The following BAZ2B variants were observed in gnomAD, a reference collection of about 807,000 sequenced individuals.
BAZ2B encodes bromodomain adjacent to zinc finger domain protein 2B.
In BAZ2B, 91 loss-of-function variants were observed where a neutral mutation model predicts 246.0. The observed-to-expected ratio is 0.37, with a 90% CI of 0.31 to 0.44. BAZ2B has a LOEUF of 0.44. Among genes scored for constraint, BAZ2B ranks in the 20% least tolerant of loss-of-function variants. The probability of loss-of-function intolerance (pLI) is 1.00; values close to 1 mark genes in which losing one functional copy is unlikely to be tolerated. For synonymous variants in BAZ2B, 855 were observed against 860.0 expected (o/e 0.99, Z 0.10); for missense variants, 2,332 against 2,533.7 (o/e 0.92, Z 1.71).
chr2:159,470,794 A>G (rs566998489), intron 3 of BAZ2B, among the ~76,000 whole-genome samples: 26 of 152,326 alleles, frequency 1.7e-4, no homozygotes, highest in Admixed American at 8.5e-4. Context: ...AATGTGAAGG[A>G]AACAGGTTTT....
chr2:159,665,778 G>T, the BAZ2B span, among the ~76,000 whole-genome samples: 1 of 152,094 alleles, frequency 6.6e-6, no homozygotes, highest in African/African-American at 2.4e-5. Context: ...TTACCATTCA[G>T]GACATAGGCG....
chr2:159,409,174 G>A (rs2066432943), intron 14 of BAZ2B, among the ~76,000 whole-genome samples: 1 of 152,024 alleles, frequency 6.6e-6, no homozygotes, highest in Non-Finnish European at 1.5e-5. Flanking sequence ...GATAGAATTA[G>A]AGATATTTTG....
chr2:159,331,587 G>A (rs1423634524), intron 34 of BAZ2B, among the ~76,000 whole-genome samples: 1 of 152,072 alleles, frequency 6.6e-6, no homozygotes, highest in Non-Finnish European at 1.5e-5. Flanking sequence ...ATGTTGGCCA[G>A]GCTGGTCTTG....
chr2:159,639,047 A>T, the BAZ2B span, among the ~76,000 whole-genome samples: 1 of 152,202 alleles, frequency 6.6e-6, no homozygotes, highest in African/African-American at 2.4e-5. Context: ...TATGTCTGGC[A>T]GCACACTTTT....
downstream of BAZ2B, among the ~76,000 whole-genome samples, chr2:159,317,000 CAATAA>C (rs34405313): frequency 0.48 from 71,560 of 148,604 alleles, 17,926 homozygotes; most frequent in East Asian, 0.79. Flanking sequence ...TACTCTGTCT[CAATAA>C]AATAAAATAA....
the BAZ2B span, among the ~76,000 whole-genome samples, chr2:159,646,407 T>G: frequency 0.53 from 80,899 of 151,808 alleles, 22,011 homozygotes; most frequent in Admixed American, 0.66. Context: ...TCTACAATTT[T>G]TGCAGTTAAT....
chr2:159,360,895 C>T (rs1354632944), intron 27 of BAZ2B, among the ~76,000 whole-genome samples: 1 of 152,186 alleles, frequency 6.6e-6, no homozygotes, highest in Non-Finnish European at 1.5e-5. Flanking sequence ...ACTGGCTAGT[C>T]ATATGCAGAA....
Position 159,428,314 on chromosome 2 carries a change from T to C in BAZ2B, c.2361A>G (p.Ile787Met). ...TTATTTGGTGAAAAGTATGTACCTT[T>C]ATTACTTCAGGGTACTGCCTAAGTT... ...GKKLRQYPEV[I>M]KYLSRNGIMD... Residue 787 changes from isoleucine (I) to methionine (M), a missense_variant, in exon 12 of 37, where the codon ATA becomes ATG. Ile to Met is a conservative substitution (Grantham distance 10). This residue lies in a region of BAZ2B where 651 missense variants were observed against 650.9 expected (regional missense o/e 1.00). Coordinates refer to ENST00000392783, the MANE Select transcript of BAZ2B (RefSeq NM_013450.4). 2 of 1,610,500 alleles carry C rather than the reference T, an allele frequency of 1.2e-6. No individual in the cohort carries two copies. The highest frequency in any genetic ancestry group is 1.7e-6 in the Non-Finnish European group (2 of 1,177,772).
chr2:159,439,083 C>G lies in BAZ2B; in HGVS notation c.826G>C (p.Asp276His), dbSNP rs768228242. The G allele has an allele frequency of 3.1e-6, 5 of 1,613,470 alleles. No individual in the cohort carries two copies. Among genetic ancestry groups the G allele is most frequent in the African/African-American group, 1.3e-5 (1 of 74,878 alleles). Residue 276 changes from aspartate to histidine, a missense_variant, in exon 7 of 37, where the codon GAT becomes CAT. Coordinates refer to ENST00000392783, the MANE Select transcript of BAZ2B (RefSeq NM_013450.4). Reference protein sequence around the residue: ...DDLEEDEEEEDQSIEESEDDD... With the variant: ...DDLEEDEEEEHQSIEESEDDD... ...TCTTCACTTTCTTCAATACTTTGAT[C>G]TTCTTCTTCTTCATCTTCTTCTAGA...
intron 16 of BAZ2B, among the ~76,000 whole-genome samples, chr2:159,401,598 AAATT>A (rs1472786925): frequency 2.0e-5 from 3 of 152,166 alleles, no homozygotes; most frequent in Non-Finnish European, 4.4e-5. Flanking sequence ...CATTATTTTA[AAATT>A]AATTAATTAT....
At chr2:159,696,341 A>T in the BAZ2B span, among the ~76,000 whole-genome samples, 1 of 152,112 alleles carries the variant, frequency 6.6e-6, no homozygotes, top group Non-Finnish European at 1.5e-5. Context: ...TTTGTCCTCC[A>T]ATTAAAAAAA....
intron 1 of BAZ2B, among the ~76,000 whole-genome samples, chr2:159,577,753 T>C (rs1685694501): frequency 6.6e-6 from 1 of 152,162 alleles, no homozygotes; most frequent in Non-Finnish European, 1.5e-5. Context: ...AGTCCTTTTA[T>C]ACACCACAAG....
intron 1 of BAZ2B, among the ~76,000 whole-genome samples, chr2:159,589,089 C>CT (rs1688703882): frequency 6.6e-6 from 1 of 152,166 alleles, no homozygotes; most frequent in Admixed American, 6.5e-5. Flanking sequence ...CATAAAGAAT[C>CT]TAACTTTTAT....
At chr2:159,654,804 A>T in the BAZ2B span, among the ~76,000 whole-genome samples, 1 of 152,198 alleles carries the variant, frequency 6.6e-6, no homozygotes, top group African/African-American at 2.4e-5. Context: ...ATCTCCACAA[A>T]AAAATACAAA....
rs756339336 is a variant in BAZ2B at position 159,348,801 on chromosome 2, G to T, written c.5170C>A (p.Pro1724Thr). 4 of 1,607,558 alleles carry T rather than the reference G, an allele frequency of 2.5e-6. No homozygotes were observed. The highest frequency in any genetic ancestry group is 3.4e-6 in the Non-Finnish European group (4 of 1,178,474). The change falls in exon 30 of 37, where the codon CCA becomes ACA. Residue 1724 changes from proline to threonine, a missense_variant. By Grantham distance (38) the Pro-to-Thr change is conservative (BLOSUM62 -1). Transcript: ENST00000392783. ...MQFGWWRIID[P>T]EDLKALLKVL... is the part of the protein sequence containing the mutation. ...TTGAGCAAAGCTTTTAGGTCCTCTG[G>T]GTCAATAATTCTCCACCAACCAAAC...
At chr2:159,452,755 A>G (rs1159798451) in intron 4 of BAZ2B, among the ~76,000 whole-genome samples, 1 of 152,206 alleles carries the variant, frequency 6.6e-6, no homozygotes, top group Non-Finnish European at 1.5e-5. Context: ...TTTGGATAAT[A>G]CTGGTCTTCT....
intron 1 of BAZ2B, among the ~76,000 whole-genome samples, chr2:159,566,823 T>A (rs1000079538): frequency 4.6e-5 from 7 of 152,212 alleles, no homozygotes; most frequent in African/African-American, 1.7e-4. Context: ...TAATTTTATA[T>A]CCTTTACTGT....
At chr2:159,431,745 G>A (rs368321239) in intron 9 of BAZ2B, among the ~76,000 whole-genome samples, 1 of 152,042 alleles carries the variant, frequency 6.6e-6, no homozygotes, top group Admixed American at 6.6e-5. Flanking sequence ...TTCTAGCTAC[G>A]TAGTTCTATG....
At chr2:159,663,676 C>T in the BAZ2B span, among the ~76,000 whole-genome samples, 8,951 of 151,474 alleles carry the variant, frequency 0.059, 314 homozygotes, top group East Asian at 0.14. Context: ...CATGCCACCA[C>T]GTCGGCTAAT....
Sources: allele counts gnomAD v4.1 joint callset (sites outside exome capture counted in the v4.1 genomes callset), GRCh38; gene constraint gnomAD v4.1.1; regional missense constraint gnomAD v4.1.1; transcripts MANE v1.5; gene names NCBI Gene and HGNC (gene_info 2026-07-23, HGNC 2026-07-21).